Variants in SLCO3A1 observed in about 807,000 individuals in gnomAD.
SLCO3A1 encodes solute carrier organic anion transporter family member 3A1.
SLCO3A1 carries 27 observed loss-of-function variants against 63.1 expected under a neutral mutation model. The ratio of observed to expected loss-of-function variants is 0.43; its 90% CI spans 0.32 to 0.59. SLCO3A1 has a LOEUF of 0.59. SLCO3A1 is among the 20% of genes least tolerant of loss of function. SLCO3A1 has a pLI of 0.09. For missense variants in SLCO3A1, 773 were observed against 945.8 expected, an observed-to-expected ratio of 0.82 and a Z score of 2.40; for synonymous variants, 473 against 409.9, an observed-to-expected ratio of 1.15 and a Z score of -1.86.
intron 2 of SLCO3A1, among the ~76,000 whole-genome samples, chr15:92,005,757 G>A (rs941808689): frequency 6.6e-6 from 1 of 152,170 alleles, no homozygotes; most frequent in African/African-American, 2.4e-5. Context: ...TAGATTTCTT[G>A]ATGTTATGCA....
In SLCO3A1 at chr15:91,948,410, G is replaced by A. The variant is rs1277605337; in HGVS notation, c.646+31952G>A. Reference sequence around the variant, plus strand: ...GTGCCAGCCACAGCATCCTATTCCTGCAGATAAGCCTACAGGCTCTGTAGG... The same window carrying A: ...GTGCCAGCCACAGCATCCTATTCCTACAGATAAGCCTACAGGCTCTGTAGG... On this transcript the variant is annotated intron_variant, in intron 2 of 9. Transcript: ENST00000318445. This position sits in a 1 kb window ranked among gnomAD's most constrained non-coding sequence, Gnocchi z 4.8. Among the ~76,000 whole-genome samples the A allele has an allele frequency of 6.6e-6, 1 of 152,184 alleles. No individual in the cohort carries two copies. Among genetic ancestry groups the A allele is most frequent in the Admixed American group, 6.5e-5 (1 of 15,272 alleles).
In SLCO3A1 at chr15:92,049,188, A is replaced by G. The variant is rs142028678; in HGVS notation, c.647-45693A>G. On this transcript the variant is annotated intron_variant, in intron 2 of 9. Coordinates refer to ENST00000318445, the MANE Select transcript of SLCO3A1 (RefSeq NM_013272.4). ...TAGTTTACAGGCAGGTCGTGCCTGC[A>G]TCTTTCTGCACAGTGGCTTCTCCTC... Among the ~76,000 whole-genome samples, 1,117 of 152,278 alleles carry G rather than the reference A, an allele frequency of 7.3e-3. 7 individuals carry two copies. The highest frequency in any genetic ancestry group is 0.02 in the African/African-American group (838 of 41,544).
chr15:92,048,817 G>C (rs1303696491), intron 2 of SLCO3A1, among the ~76,000 whole-genome samples: 2 of 152,190 alleles, frequency 1.3e-5, no homozygotes, highest in Non-Finnish European at 2.9e-5. Context: ...AGAATTGCTT[G>C]AACCCGGAAG....
intron 2 of SLCO3A1, among the ~76,000 whole-genome samples, chr15:91,963,727 G>A (rs562531825): frequency 6.6e-6 from 1 of 151,986 alleles, no homozygotes; most frequent in African/African-American, 2.4e-5. Context: ...TGGTGGGTTC[G>A]TGGTCTCGCT....
At chr15:92,093,705 A>G (rs145772136) in intron 2 of SLCO3A1, among the ~76,000 whole-genome samples, 147 of 152,290 alleles carry the variant, frequency 9.7e-4, no homozygotes, top group African/African-American at 3.3e-3. Flanking sequence ...CCCTGAGAAT[A>G]GTACTTGGCA....
At chr15:91,924,321 C>A (rs1006302148) in intron 2 of SLCO3A1, among the ~76,000 whole-genome samples, 2 of 152,128 alleles carry the variant, frequency 1.3e-5, no homozygotes, top group African/African-American at 4.8e-5. Context: ...GGCTGGAAAT[C>A]CGTATTTTTC....
At chr15:91,873,960 A>G (rs1460838195) in intron 1 of SLCO3A1, among the ~76,000 whole-genome samples, 1 of 152,116 alleles carries the variant, frequency 6.6e-6, no homozygotes, top group Non-Finnish European at 1.5e-5. Flanking sequence ...TACCATCTTA[A>G]TCATTTTGAA....
intron 2 of SLCO3A1, among the ~76,000 whole-genome samples, chr15:92,091,660 A>G (rs1420422579): frequency 2.6e-5 from 4 of 152,332 alleles, no homozygotes; most frequent in Non-Finnish European, 5.9e-5. Flanking sequence ...CCTTTGAAAA[A>G]GGTTCGAGAA....
In SLCO3A1 at chr15:91,948,908, T is replaced by G. The variant is rs1414841980; in HGVS notation, c.646+32450T>G. 6.6e-6 allele frequency among the ~76,000 whole-genome samples: 1 copy of G among 151,992 alleles called. No individual in the cohort carries two copies. Among genetic ancestry groups the G allele is most frequent in the African/African-American group, 2.4e-5 (1 of 41,342 alleles). On this transcript the variant is annotated intron_variant, in intron 2 of 9. Coordinates refer to ENST00000318445, the MANE Select transcript of SLCO3A1 (RefSeq NM_013272.4). This position sits in a 1 kb window ranked among gnomAD's most constrained non-coding sequence, Gnocchi z 4.8. ...ATAACCTGAGGAACCTGTCATCCAT[T>G]TAGGAATCAATACTTTGGTTTTTTT...
chr15:92,144,552 C>A (rs534731918), intron 7 of SLCO3A1, among the ~76,000 whole-genome samples: 24 of 152,338 alleles, frequency 1.6e-4, no homozygotes, highest in African/African-American at 5.8e-4. Context: ...CCTTACGCAA[C>A]GGTAACTTCT....
intron 2 of SLCO3A1, among the ~76,000 whole-genome samples, chr15:92,070,763 G>A (rs1261424440): frequency 6.6e-6 from 1 of 152,012 alleles, no homozygotes; most frequent in East Asian, 1.9e-4. Context: ...AGTTGATGAT[G>A]GTTGTGACTA....
At position 92,022,784 on chromosome 15, in the gene SLCO3A1, G is replaced by T. The variant is rs1325121159; in HGVS notation, c.647-72097G>T. Among the ~76,000 whole-genome samples the T allele has an allele frequency of 2.0e-5, 3 of 152,178 alleles. No homozygotes were observed. The East Asian group carries it at 5.8e-4, about 29-fold the overall frequency. On this transcript the variant is annotated intron_variant, in intron 2 of 9. Coordinates refer to ENST00000318445, the MANE Select transcript of SLCO3A1 (RefSeq NM_013272.4). ...GGTTAGGGAATGCTTTCTTAAAACA[G>T]TAGGTAACATCTGCACCAGGGCTTC...
intron 2 of SLCO3A1, among the ~76,000 whole-genome samples, chr15:92,008,425 G>A (rs1241819663): frequency 3.3e-5 from 5 of 152,190 alleles, no homozygotes; most frequent in Non-Finnish European, 1.5e-5. Context: ...CTTGTTCCAT[G>A]TGGGTTTTGT....
chr15:91,993,944 T>C (rs1297238284), intron 2 of SLCO3A1, among the ~76,000 whole-genome samples: 2 of 152,216 alleles, frequency 1.3e-5, no homozygotes, highest in Non-Finnish European at 2.9e-5. Flanking sequence ...GCCCCAACTT[T>C]CCAGCCATGA....
intron 2 of SLCO3A1, among the ~76,000 whole-genome samples, chr15:91,969,935 C>T (rs997943342): frequency 6.6e-6 from 1 of 152,152 alleles, no homozygotes; most frequent in Non-Finnish European, 1.5e-5. Flanking sequence ...AGTTTGGACT[C>T]TAACTTCCTA....
At chr15:92,007,460 G>T (rs1264610274) in intron 2 of SLCO3A1, among the ~76,000 whole-genome samples, 1 of 152,190 alleles carries the variant, frequency 6.6e-6, no homozygotes, top group Non-Finnish European at 1.5e-5. Context: ...TGGGGTGGAT[G>T]TCAGATGTTG....
At chr15:91,866,458 G>A in intron 1 of SLCO3A1, among the ~76,000 whole-genome samples, 1 of 151,726 alleles carries the variant, frequency 6.6e-6, no homozygotes. Context: ...ATTTGGCCAG[G>A]TATGTATTAA....
chr15:91,907,385 T>C (rs1898343484), intron 1 of SLCO3A1, among the ~76,000 whole-genome samples: 1 of 151,374 alleles, frequency 6.6e-6, no homozygotes, highest in Non-Finnish European at 1.5e-5. Context: ...TTTGTATTTT[T>C]AGTAGAGATG....
intron 2 of SLCO3A1, among the ~76,000 whole-genome samples, chr15:91,991,270 G>T (rs1305473033): frequency 1.3e-5 from 2 of 152,150 alleles, no homozygotes; most frequent in Non-Finnish European, 2.9e-5. Flanking sequence ...AGGAGGCTGA[G>T]GTGGGGGATC....
Sources: gnomAD v4.1 joint callset for allele counts (sites outside exome capture counted in the v4.1 genomes callset) on GRCh38, gnomAD v4.1.1 for gene constraint, Gnocchi (gnomAD v3.1) non-coding constraint, MANE v1.5 for transcripts, NCBI Gene and HGNC (gene_info 2026-07-23, HGNC 2026-07-21) for gene names.